PPP2R2B: variants seen among roughly 807,000 people sequenced by gnomAD.
PPP2R2B encodes the protein serine/threonine-protein phosphatase 2A 55 kDa regulatory subunit B beta isoform.
In PPP2R2B, 5 loss-of-function variants were observed where a neutral mutation model predicts 46.0. The ratio of observed to expected loss-of-function variants is 0.11; its 90% CI spans 0.06 to 0.23. The LOEUF (loss-of-function observed/expected upper bound fraction) is 0.23, where lower values mean the gene tolerates loss of function less well. Among genes scored for constraint, PPP2R2B ranks in the 10% least tolerant of loss-of-function variants. The pLI is 1.00. For missense variants in PPP2R2B, 367 were observed against 575.0 expected, an observed-to-expected ratio of 0.64 and a Z score of 3.70; for synonymous variants, 215 against 206.7, an observed-to-expected ratio of 1.04 and a Z score of -0.34.
rs1760218286 is a variant in PPP2R2B, at chr5:146,849,609, A to G, written c.70+28393T>C. Among the ~76,000 whole-genome samples the G allele has an allele frequency of 2.0e-5, 3 of 152,270 alleles. No homozygotes were observed. The South Asian group carries it at 6.2e-4, about 32-fold the overall frequency. On this transcript the variant is annotated intron_variant, in intron 2 of 9. Coordinates refer to ENST00000394411, the MANE Select transcript of PPP2R2B (RefSeq NM_181675.4). ...GGATTTCAAAGACTAAAATCACAAC[A>G]ATTTATTAGGGCAAACAGTACAAGA... is the stretch of plus-strand genomic sequence containing the variant.
chr5:146,736,263 C>A (rs1177532758), intron 2 of PPP2R2B, among the ~76,000 whole-genome samples: 3 of 152,162 alleles, frequency 2.0e-5, no homozygotes, highest in Admixed American at 6.5e-5. Context: ...GTCAATTAAA[C>A]CTCTTTCCTT....
At chr5:146,936,111 A>G (rs1764130438) in intron 1 of PPP2R2B, among the ~76,000 whole-genome samples, 1 of 152,194 alleles carries the variant, frequency 6.6e-6, no homozygotes, top group Non-Finnish European at 1.5e-5. Flanking sequence ...CAGGAAAGTA[A>G]GCTCTGCTGC....
In PPP2R2B at chr5:146,737,309, G is replaced by A. The variant is rs901295787; in HGVS notation, c.71-36167C>T. On this transcript the variant is annotated intron_variant, in intron 2 of 9. Coordinates refer to ENST00000394411, the MANE Select transcript of PPP2R2B (RefSeq NM_181675.4). The stretch of plus-strand genomic sequence containing the variant: ...TGTCTACTTCATGCAAAGACCTAGA[G>A]TGGGCATTTTGATACATATTATGCT... Among the ~76,000 whole-genome samples the A allele has an allele frequency of 1.3e-4, 19 of 151,878 alleles. 1 individual carries two copies. The highest frequency in any genetic ancestry group is 2.5e-4 in the Non-Finnish European group (17 of 68,032).
At chr5:146,850,299 A>G (rs1297366422) in intron 2 of PPP2R2B, among the ~76,000 whole-genome samples, 1 of 152,134 alleles carries the variant, frequency 6.6e-6, no homozygotes, top group Non-Finnish European at 1.5e-5. Flanking sequence ...ACCCTTTCCA[A>G]TCTATTCTTT....
In PPP2R2B at chr5:146,890,920, C is replaced by T. The variant is rs547141448; in HGVS notation, c.79+164745G>A. On this transcript the variant is annotated intron_variant, in intron 1 of 8. Coordinates refer to the PPP2R2B transcript ENST00000336640. ...ACATAGTTTAGAGCACTTCCTGCTT[C>T]CAAATGCTGACTCATTATGTCTATT... Among the ~76,000 whole-genome samples, 13 of 152,188 alleles carry T rather than the reference C, an allele frequency of 8.5e-5. No individual in the cohort carries two copies. In the East Asian group the frequency reaches 2.5e-3, roughly 29 times the overall value.
chr5:146,909,628 C>G (rs2151804328), intron 1 of PPP2R2B, among the ~76,000 whole-genome samples: 1 of 152,336 alleles, frequency 6.6e-6, no homozygotes, highest in East Asian at 1.9e-4. Context: ...AATCCATTTA[C>G]AGATTAAATT....
At chr5:146,978,358 G>A (rs960008365) in intron 1 of PPP2R2B, among the ~76,000 whole-genome samples, 1 of 152,154 alleles carries the variant, frequency 6.6e-6, no homozygotes, top group African/African-American at 2.4e-5. Flanking sequence ...TTGCTGTGCA[G>A]AAGCTCTTTA....
At chr5:147,051,585 C>G (rs931875804) in intron 1 of PPP2R2B, among the ~76,000 whole-genome samples, 1 of 151,930 alleles carries the variant, frequency 6.6e-6, no homozygotes, top group East Asian at 1.9e-4. Flanking sequence ...GGAAGAAGCA[C>G]GTGGCAAGTC....
At chr5:146,955,453 T>C (rs1690814255) in intron 1 of PPP2R2B, among the ~76,000 whole-genome samples, 1 of 152,192 alleles carries the variant, frequency 6.6e-6, no homozygotes, top group Admixed American at 6.5e-5. Flanking sequence ...TTTAAATTGT[T>C]CTGTAATGAA....
At chr5:146,746,869 T>C (rs1753221972) in intron 2 of PPP2R2B, among the ~76,000 whole-genome samples, 1 of 152,232 alleles carries the variant, frequency 6.6e-6, no homozygotes, top group Non-Finnish European at 1.5e-5. Flanking sequence ...ACTCCCATTA[T>C]GCAGATACCA....
chr5:146,750,719 G>A (rs1753503464), intron 2 of PPP2R2B, among the ~76,000 whole-genome samples: 1 of 152,186 alleles, frequency 6.6e-6, no homozygotes, highest in African/African-American at 2.4e-5. Context: ...TCATGGTTAA[G>A]AACATGGGCA....
intron 7 of PPP2R2B, among the ~76,000 whole-genome samples, chr5:146,601,819 T>G (rs1404316573): frequency 2.0e-5 from 3 of 152,348 alleles, no homozygotes; most frequent in African/African-American, 7.2e-5. Context: ...ATAGTGTACA[T>G]TGAACCCACA....
At chr5:146,696,267 C>A (rs1482592115) in intron 4 of PPP2R2B, among the ~76,000 whole-genome samples, 1 of 152,062 alleles carries the variant, frequency 6.6e-6, no homozygotes, top group African/African-American at 2.4e-5. Context: ...CCACACCCGG[C>A]TAATTTTTTT....
intron 1 of PPP2R2B, among the ~76,000 whole-genome samples, chr5:147,017,580 G>A (rs1205655567): frequency 6.6e-6 from 1 of 151,440 alleles, no homozygotes; most frequent in Non-Finnish European, 1.5e-5. Flanking sequence ...AGCATATTAG[G>A]AATGCAAAGA....
intron 5 of PPP2R2B, among the ~76,000 whole-genome samples, chr5:146,666,133 C>G (rs1776969165): frequency 6.6e-6 from 1 of 152,140 alleles, no homozygotes; most frequent in South Asian, 2.1e-4. Context: ...CTTATCTATG[C>G]TTTAGAATAT....
intron 1 of PPP2R2B, among the ~76,000 whole-genome samples, chr5:147,039,848 A>G (rs968452512): frequency 1.3e-5 from 2 of 152,148 alleles, no homozygotes; most frequent in Admixed American, 1.3e-4. Context: ...CAGTGTCTAG[A>G]AGCATGCTGA....
At chr5:146,957,737 C>T (rs114352803) in intron 1 of PPP2R2B, among the ~76,000 whole-genome samples, 178 of 152,204 alleles carry the variant, frequency 1.2e-3, no homozygotes, top group Non-Finnish European at 1.8e-3. Context: ...AACGTTCTGA[C>T]CTATGGTAAC....
chr5:146,769,535 T>C (rs1016437714), intron 2 of PPP2R2B, among the ~76,000 whole-genome samples: 12 of 152,228 alleles, frequency 7.9e-5, no homozygotes, highest in African/African-American at 2.4e-4. Flanking sequence ...GCAATCATTG[T>C]TGAGGTACAA....
At chr5:146,701,457 A>G (rs1027630525) in intron 2 of PPP2R2B, among the ~76,000 whole-genome samples, 1 of 152,160 alleles carries the variant, frequency 6.6e-6, no homozygotes, top group African/African-American at 2.4e-5. Context: ...TTCTTTGATG[A>G]TTTCTACCAA....
Sources: allele counts gnomAD v4.1 joint callset (sites outside exome capture counted in the v4.1 genomes callset), GRCh38; gene constraint gnomAD v4.1.1; transcripts MANE v1.5; gene names NCBI Gene and HGNC (gene_info 2026-07-23, HGNC 2026-07-21).